RAD51D: variants seen among roughly 807,000 people sequenced by gnomAD.
The protein encoded by RAD51D is RAD51 paralog D, also known as DNA repair protein RAD51 homolog 4.
A neutral mutation model predicts 44.1 loss-of-function variants in RAD51D; 38 were observed. That is an observed-to-expected ratio of 0.86 (90% CI 0.67 to 1.13). The LOEUF (loss-of-function observed/expected upper bound fraction) is 1.13. Ranked by LOEUF, RAD51D falls within the 50% of genes most tolerant of loss-of-function variation. RAD51D has a pLI of 0.00. For missense variants in RAD51D, 390 were observed against 414.0 expected, an observed-to-expected ratio of 0.94 and a Z score of 0.50; for synonymous variants, 141 against 166.6, an observed-to-expected ratio of 0.85 and a Z score of 1.18.
At position 35,108,201 on chromosome 17, in the gene RAD51D, C is replaced by T. The variant is rs938827217; in HGVS notation, c.264-754G>A. On this transcript the variant is annotated intron_variant, in intron 3 of 9. Transcript: ENST00000345365. ...TGGAGGTTACAGTGAGCCGAGATCACGCCACTGCACTCCAGCCTGGTGACA... is the reference window on the plus strand; with the variant it reads ...TGGAGGTTACAGTGAGCCGAGATCATGCCACTGCACTCCAGCCTGGTGACA... Among the ~76,000 whole-genome samples, 4 of 151,408 alleles carry T rather than the reference C, an allele frequency of 2.6e-5. No individual in the cohort carries two copies. The East Asian group carries it at 5.9e-4, about 22-fold the overall frequency.
chr17:35,096,217 T>C lies in RAD51D; in HGVS notation c.*4736A>G, dbSNP rs2091485043. 2 of 152,216 alleles carry C rather than the reference T, an allele frequency of 1.3e-5. No individual in the cohort carries two copies. The highest frequency in any genetic ancestry group is 4.8e-5 in the African/African-American group (2 of 41,464). The allele number at this position is 152,216 out of a possible 1,614,324, so 9.4% of individuals were successfully genotyped here. A position where few individuals can be genotyped will look rare whatever the true frequency, so the allele number is the denominator to read the frequency against. On this transcript the variant is annotated 3_prime_UTR_variant, in exon 10 of 10. Coordinates refer to ENST00000345365, the MANE Select transcript of RAD51D (RefSeq NM_002878.4). ...TCTTAATTTTTATTATTTTATTTTA[T>C]AGAGATAGGGTCTTGCTATGTTGCC...
intron 3 of RAD51D, among the ~76,000 whole-genome samples, chr17:35,115,735 T>C (rs1212254599): frequency 6.6e-6 from 1 of 151,628 alleles, no homozygotes; most frequent in Non-Finnish European, 1.5e-5. Context: ...TGGGCGTTGA[T>C]GGCACGCACC....
intron 3 of RAD51D, among the ~76,000 whole-genome samples, chr17:35,116,010 A>AAAGAAAG (rs2091741164): frequency 6.6e-6 from 1 of 150,772 alleles, no homozygotes. Flanking sequence ...AGAAAGAAAG[A>AAAGAAAG]AAGGCTAGAA....
chr17:35,103,683 A>T lies in RAD51D; in HGVS notation c.577-139T>A. 1.4e-6 allele frequency: 1 copy of T among 706,574 alleles called. No individual in the cohort carries two copies. Among genetic ancestry groups the T allele is most frequent in the East Asian group, 2.7e-5 (1 of 36,934 alleles). The allele number at this position is 706,574 out of a possible 1,614,324, so 43.8% of individuals were successfully genotyped here. A position where few individuals can be genotyped will look rare whatever the true frequency, so the allele number is the denominator to read the frequency against. On this transcript the variant is annotated intron_variant, in intron 6 of 9. Transcript: ENST00000345365. This position sits in a 1 kb window ranked among gnomAD's most constrained non-coding sequence, Gnocchi z 4.1. Reference sequence around the variant, plus strand: ...CAGCAAGCTGCACGGGCATCACAGAATGTCATCAGCAGCAATGTCTCCCTC... The same window carrying T: ...CAGCAAGCTGCACGGGCATCACAGATTGTCATCAGCAGCAATGTCTCCCTC...
At chr17:35,119,016 C>T (rs1476481367) in intron 2 of RAD51D, 95 bp downstream of exon 2, 2 of 1,230,988 alleles carry the variant, frequency 1.6e-6, no homozygotes, top group Admixed American at 3.5e-5. Flanking sequence ...TCCCAAAGTG[C>T]TGGGATTACA....
intron 3 of RAD51D, among the ~76,000 whole-genome samples, chr17:35,116,005 G>GAAAGAAAGA (rs1249763609): frequency 5.4e-5 from 8 of 147,946 alleles, no homozygotes; most frequent in African/African-American, 2.0e-4. Flanking sequence ...AAGAAAGAAA[G>GAAAGAAAGA]AAAGAAAGGC....
Position 35,106,492 on chromosome 17 carries a change from G to A in RAD51D, c.481-11C>T, listed in dbSNP as rs372690151. ...CCGGAGAGCTTCTGCCTGAAGCGGT[G>A]GAAAAGAAAAGCAAGGACTTTGGAT... On this transcript the variant is annotated splice_polypyrimidine_tract_variant and intron_variant, in intron 5 of 9. Coordinates refer to ENST00000345365, the MANE Select transcript of RAD51D (RefSeq NM_002878.4). The A allele has an allele frequency of 2.1e-5, 33 of 1,604,592 alleles. No individual in the cohort carries two copies. The highest frequency in any genetic ancestry group is 3.3e-5 in the South Asian group (3 of 89,980).
intron 3 of RAD51D, among the ~76,000 whole-genome samples, chr17:35,111,938 C>G (rs1001750141): frequency 6.6e-6 from 1 of 152,234 alleles, no homozygotes. Context: ...ATCCATTTAT[C>G]CGAGTCATCT....
chr17:35,110,952 A>G (rs910500897), intron 3 of RAD51D, among the ~76,000 whole-genome samples: 4 of 152,096 alleles, frequency 2.6e-5, no homozygotes, highest in Admixed American at 6.6e-5. Context: ...TTAAAAATAC[A>G]AGATTAGCTG....
chr17:35,106,335 T>C (rs2091602411), intron 6 of RAD51D, 51 bp downstream of exon 6: 1 of 1,471,058 alleles, frequency 6.8e-7, no homozygotes, highest in African/African-American at 1.4e-5. Flanking sequence ...CCCACAGAGA[T>C]AGCACCTAGA....
rs990062370 is a variant in RAD51D at position 35,119,546 on chromosome 17, T to C, written c.68A>G (p.His23Arg). 6.2e-7 allele frequency: 1 copy of C among 1,612,358 alleles called. No homozygotes were observed. The highest frequency in any genetic ancestry group is 8.5e-7 in the Non-Finnish European group (1 of 1,179,926). The part of the protein sequence containing the change: ...TEEMIQLLRS[H>R]RIKTVVDLVS... ...CACCCGGTCACCTGTCTTGATCCTG[T>C]GGCTCCTGAGAAGCTGGATCATCTC... Residue 23 changes from histidine (H) to arginine (R), a missense_variant, in exon 1 of 10, where the codon CAC becomes CGC. Physicochemically the swap from His to Arg is conservative, Grantham distance 29. Coordinates refer to ENST00000345365, the MANE Select transcript of RAD51D (RefSeq NM_002878.4).
In RAD51D at chr17:35,100,272, A is replaced by C. The variant is rs1400010688; in HGVS notation, c.*681T>G. On this transcript the variant is annotated 3_prime_UTR_variant, in exon 10 of 10. Transcript: ENST00000345365. ...CTCACCTAGTCATGGTGATGCAGGCAGGTCTGAAACCAAATCAGCAAGAGG... is the reference window on the plus strand; with the variant it reads ...CTCACCTAGTCATGGTGATGCAGGCCGGTCTGAAACCAAATCAGCAAGAGG... 1.9e-6 allele frequency: 1 copy of C among 533,790 alleles called. No individual in the cohort carries two copies. The highest frequency in any genetic ancestry group is 1.5e-5 in the South Asian group (1 of 65,174). The allele number at this position is 533,790 out of a possible 1,614,324, so 33.1% of individuals were successfully genotyped here. A position where few individuals can be genotyped will look rare whatever the true frequency, so the allele number is the denominator to read the frequency against.
At position 35,107,285 on chromosome 17, in the gene RAD51D, C is replaced by G. The variant is rs139463787; in HGVS notation, c.345+81G>C. 35 of 1,465,682 alleles carry G rather than the reference C, an allele frequency of 2.4e-5. No homozygotes were observed. In the African/African-American group the frequency reaches 4.6e-4, roughly 19 times the overall value. 90.8% of individuals were successfully genotyped at this position (1,465,682 alleles called of 1,614,324 possible). The stretch of plus-strand genomic sequence containing the variant: ...GTTGGGCTCTGAACCCATTAGTACG[C>G]TGAAGCTCCCCCAGGGACCCTGGGC... On this transcript the variant is annotated intron_variant, in intron 4 of 9. Coordinates refer to ENST00000345365, the MANE Select transcript of RAD51D (RefSeq NM_002878.4).
Position 35,111,457 on chromosome 17 carries a change from G to A in RAD51D, c.264-4010C>T, listed in dbSNP as rs537743801. On this transcript the variant is annotated intron_variant, in intron 3 of 9. Coordinates refer to ENST00000345365, the MANE Select transcript of RAD51D (RefSeq NM_002878.4). ...CCCACACCTGTAGTCCCAGCTACTC[G>A]GGAGGCTTGGGGTGGAAGGATTGCC... Among the ~76,000 whole-genome samples, 7 of 152,082 alleles carry A rather than the reference G, an allele frequency of 4.6e-5. No homozygotes were observed. In the South Asian group the frequency reaches 1.2e-3, roughly 27 times the overall value.
chr17:35,106,566 G>T, intron 5 of RAD51D, 85 bp from the exon 6 acceptor site: 1 of 973,996 alleles, frequency 1.0e-6, no homozygotes, highest in Non-Finnish European at 1.6e-6. Flanking sequence ...AGAGGCACCT[G>T]GATGCAAGGA....
intron 9 of RAD51D, 33 bp from the exon 10 acceptor site, chr17:35,101,069 A>T (rs2142409709): frequency 6.2e-7 from 1 of 1,607,096 alleles, no homozygotes; most frequent in Non-Finnish European, 8.5e-7. Flanking sequence ...AGTGGAGTTA[A>T]GCAACCCAAG....
intron 6 of RAD51D, among the ~76,000 whole-genome samples, chr17:35,104,013 G>C (rs1013758696): frequency 1.3e-5 from 2 of 152,318 alleles, no homozygotes; most frequent in Admixed American, 1.3e-4. Flanking sequence ...GGGAGGCGGG[G>C]GTTGCAGTGA....
rs111462110 is a variant in RAD51D at position 35,101,175 on chromosome 17, C to T, written c.903+26G>A. The stretch of plus-strand genomic sequence containing the variant: ...AACCACCCTCCAGGGCCCAAGATTA[C>T]TGGCATCTTCCTGGGGCTGGCTCAC... On this transcript the variant is annotated intron_variant, in intron 9 of 9. Transcript: ENST00000345365. 24 of 1,614,110 alleles carry T rather than the reference C, an allele frequency of 1.5e-5. No homozygotes were observed. The African/African-American group carries it at 2.5e-4, about 17-fold the overall frequency.
At chr17:35,107,825 A>G (rs2091627329) in intron 3 of RAD51D, among the ~76,000 whole-genome samples, 1 of 124,946 alleles carries the variant, frequency 8.0e-6, no homozygotes, top group African/African-American at 3.2e-5. Context: ...CGTGATCTCT[A>G]CTCACTGCAA....
Sources: gnomAD v4.1 joint callset for allele counts (sites outside exome capture counted in the v4.1 genomes callset) on GRCh38, gnomAD v4.1.1 for gene constraint, Gnocchi (gnomAD v3.1) non-coding constraint, MANE v1.5 for transcripts, NCBI Gene and HGNC (gene_info 2026-07-23, HGNC 2026-07-21) for gene names.